The following RNF216 variants were observed in gnomAD, a reference collection of about 807,000 sequenced individuals.
RNF216 encodes the protein ring finger protein 216, also known as E3 ubiquitin-protein ligase RNF216.
RNF216 carries 72 observed loss-of-function variants against 110.8 expected under a neutral mutation model. That is an observed-to-expected ratio of 0.65 (90% CI 0.54 to 0.79). The LOEUF is 0.79. Ranked by LOEUF, RNF216 falls within the 30% of genes least tolerant of loss-of-function variation. RNF216 has a pLI of 0.00. For synonymous variants in RNF216, 495 were observed against 407.5 expected (o/e 1.21, Z -2.59); for missense variants, 1,342 against 1,141.2 (o/e 1.18, Z -2.54).
rs902278916 is a variant in RNF216, at chr7:5,731,840, G to T, written c.1122-1023C>A. Among the ~76,000 whole-genome samples, 14 of 145,264 alleles carry T rather than the reference G, an allele frequency of 9.6e-5. 1 individual carries two copies. Among genetic ancestry groups the T allele is most frequent in the Admixed American group, 4.0e-4 (6 of 15,008 alleles). On this transcript the variant is annotated intron_variant, in intron 5 of 16. Coordinates refer to ENST00000389902, the MANE Select transcript of RNF216 (RefSeq NM_207111.4). The stretch of plus-strand genomic sequence containing the variant: ...GAACAGGAGGTCTGGCAGAAAGAGG[G>T]TAGAGAAAAAGTGCTCAGCTCTGCT...
At chr7:5,746,388 G>A (rs564111622) in intron 3 of RNF216, among the ~76,000 whole-genome samples, 1 of 152,304 alleles carries the variant, frequency 6.6e-6, no homozygotes, top group East Asian at 1.9e-4. Flanking sequence ...AAGCCCCCAA[G>A]ATTATGGCCA....
At chr7:5,691,349 T>C (rs1562395921) in intron 13 of RNF216, among the ~76,000 whole-genome samples, 2 of 152,326 alleles carry the variant, frequency 1.3e-5, no homozygotes, top group South Asian at 2.1e-4. Flanking sequence ...TAATTAGTAA[T>C]GTCAGTGTTC....
chr7:5,755,539 G>T (rs1249164573), intron 2 of RNF216, among the ~76,000 whole-genome samples: 1 of 152,146 alleles, frequency 6.6e-6, no homozygotes, highest in East Asian at 1.9e-4. Context: ...CTCAAAGGGA[G>T]GATTTCTAAT....
intron 13 of RNF216, among the ~76,000 whole-genome samples, chr7:5,699,559 A>T (rs1463622806): frequency 1.3e-5 from 2 of 152,186 alleles, no homozygotes; most frequent in Admixed American, 6.5e-5. Context: ...TTCTTCACCC[A>T]CTACCTCAGC....
chr7:5,768,256 G>A (rs1461079460), intron 1 of RNF216, among the ~76,000 whole-genome samples: 1 of 147,430 alleles, frequency 6.8e-6, no homozygotes, highest in Admixed American at 6.9e-5. Context: ...TTTAAGACCA[G>A]CCTGGGAAAC....
chr7:5,757,947 C>G (rs931790950), intron 2 of RNF216, among the ~76,000 whole-genome samples: 1 of 152,084 alleles, frequency 6.6e-6, no homozygotes, highest in Non-Finnish European at 1.5e-5. Context: ...TTGAGCCCAG[C>G]AGTTCAAGAC....
At chr7:5,738,087 C>A (rs1325305661) in intron 5 of RNF216, among the ~76,000 whole-genome samples, 2 of 110,980 alleles carry the variant, frequency 1.8e-5, no homozygotes, top group African/African-American at 7.9e-5. Flanking sequence ...AGACTGTCTC[C>A]AAAAAAAAAA....
At chr7:5,637,487 C>G (rs1183194889) in intron 15 of RNF216, among the ~76,000 whole-genome samples, 1 of 152,210 alleles carries the variant, frequency 6.6e-6, no homozygotes, top group South Asian at 2.1e-4. Context: ...ATAGAGAACA[C>G]CTGGTTACCA....
chr7:5,756,626 G>GT (rs890370291), intron 2 of RNF216, among the ~76,000 whole-genome samples: 15 of 152,032 alleles, frequency 9.9e-5, no homozygotes, highest in South Asian at 2.1e-4. Flanking sequence ...TTTTTGTTTT[G>GT]TTTTTTGTTT....
chr7:5,781,156 C>G (rs1051043130), intron 1 of RNF216, among the ~76,000 whole-genome samples: 2 of 152,212 alleles, frequency 1.3e-5, no homozygotes, highest in African/African-American at 4.8e-5. Context: ...CGCCGCTCCT[C>G]CAGGCCGCGC....
chr7:5,713,652 C>A (rs1217423324), intron 11 of RNF216, among the ~76,000 whole-genome samples: 1 of 152,216 alleles, frequency 6.6e-6, no homozygotes, highest in Non-Finnish European at 1.5e-5. Flanking sequence ...CCACTACTCA[C>A]ACAGCTTTCA....
At chr7:5,744,680 G>C (rs1474836317) in intron 3 of RNF216, among the ~76,000 whole-genome samples, 1 of 152,022 alleles carries the variant, frequency 6.6e-6, no homozygotes, top group African/African-American at 2.4e-5. Context: ...AAGAAATAAA[G>C]AAAACTTCTG....
intron 13 of RNF216, among the ~76,000 whole-genome samples, chr7:5,709,429 TC>T (rs1182026433): frequency 5.3e-5 from 8 of 152,322 alleles, no homozygotes; most frequent in African/African-American, 1.7e-4. Context: ...AAATGGTCCT[TC>T]CGTTGTTGTT....
intron 13 of RNF216, among the ~76,000 whole-genome samples, chr7:5,693,926 T>G (rs2128615832): frequency 6.6e-6 from 1 of 152,252 alleles, no homozygotes; most frequent in Non-Finnish European, 1.5e-5. Context: ...AATTAATAAC[T>G]GTTCTATAAG....
At chr7:5,762,847 T>C (rs976973999) in intron 1 of RNF216, among the ~76,000 whole-genome samples, 2 of 152,232 alleles carry the variant, frequency 1.3e-5, no homozygotes, top group Admixed American at 6.6e-5. Flanking sequence ...CTTTTAAAGA[T>C]ATTTAAAGCA....
chr7:5,777,600 T>A (rs569582691), intron 1 of RNF216: 1 of 152,310 alleles, frequency 6.6e-6, no homozygotes, highest in Admixed American at 6.5e-5. Flanking sequence ...ACCTAGACGC[T>A]GAGATCAGGT....
At chr7:5,708,981 C>G (rs1792481672) in intron 13 of RNF216, among the ~76,000 whole-genome samples, 1 of 152,198 alleles carries the variant, frequency 6.6e-6, no homozygotes, top group Non-Finnish European at 1.5e-5. Flanking sequence ...TTGTTCTCAG[C>G]AGCCCCCAGG....
chr7:5,741,547 T>G lies in RNF216; in HGVS notation c.470A>C (p.Lys157Thr). The G allele has an allele frequency of 1.2e-6, 2 of 1,614,222 alleles. No individual in the cohort carries two copies. Among genetic ancestry groups the G allele is most frequent in the Non-Finnish European group, 8.5e-7 (1 of 1,180,044 alleles). Reference protein sequence around the residue: ...KPSGQTEREPKPGPSHNQAAN... With the variant: ...KPSGQTEREPTPGPSHNQAAN... ...TGCTTGGTTATGACTCGGTCCAGGC[T>G]TGGGTTCTCTTTCTGTTTGGCCACT... Residue 157 changes from lysine (K) to threonine (T), a missense_variant, in exon 4 of 17, where the codon AAG (lysine) becomes ACG (threonine). Transcript: ENST00000389902.
At chr7:5,752,434 C>T (rs553993955) in intron 3 of RNF216, among the ~76,000 whole-genome samples, 85 of 152,062 alleles carry the variant, frequency 5.6e-4, no homozygotes, top group African/African-American at 1.7e-3. Flanking sequence ...TTTTGGATTA[C>T]GCAAACTGAT....
Sources: gnomAD v4.1 joint callset for allele counts (sites outside exome capture counted in the v4.1 genomes callset) on GRCh38, gnomAD v4.1.1 for gene constraint, MANE v1.5 for transcripts, NCBI Gene and HGNC (gene_info 2026-07-23, HGNC 2026-07-21) for gene names.